Variants in CDK16 observed in about 807,000 individuals in gnomAD.
CDK16 encodes the protein cyclin-dependent kinase 16.
In CDK16, 2 loss-of-function variants were observed where a neutral mutation model predicts 41.6. That is an observed-to-expected ratio of 0.05 (90% CI 0.02 to 0.15). CDK16 has a LOEUF of 0.15. Ranked by LOEUF, CDK16 falls within the 10% of genes least tolerant of loss-of-function variation. The pLI is 1.00. For synonymous variants in CDK16, 169 were observed against 169.7 expected, an observed-to-expected ratio of 1.00 and a Z score of 0.03; for missense variants, 228 against 428.9, an observed-to-expected ratio of 0.53 and a Z score of 4.14.
chrX:47,222,917 G>C, intron 1 of CDK16: 2 of 484,548 alleles, frequency 4.1e-6, no homozygotes, highest in Non-Finnish European at 2.9e-6. Context: ...ATCCCACCCA[G>C]TGGTTGGGTC....
intron 1 of CDK16, chrX:47,223,219 T>A: frequency 8.7e-7 from 1 of 1,156,054 alleles, no homozygotes; most frequent in Non-Finnish European, 1.1e-6. Context: ...CAATGGAGCC[T>A]TCTGCTCCTG....
rs776305718 is a variant in CDK16 at position 47,226,596 on chromosome X, C to T, written c.930C>T (p.Ala310=). The change falls in exon 10 of 16, where the codon GCC becomes GCT. Residue 310 remains alanine (A), a synonymous_variant. Transcript: ENST00000357227. The part of the protein sequence containing the change: ...LKLADFGLAR[A]KSIPTKTYSN... ...TCTGATTTCCAGGCCTGGCCCGAGC[C>T]AAGTCAATCCCAACAAAGACATACT... The T allele has an allele frequency of 1.7e-6, 2 of 1,209,274 alleles. No individual in the cohort carries two copies. The highest frequency in any genetic ancestry group is 3.5e-5 in the African/African-American group (2 of 57,197).
At chrX:47,221,640 T>C (rs1461720275) in intron 1 of CDK16, among the ~76,000 whole-genome samples, 1 of 111,575 alleles carries the variant, frequency 9.0e-6, no homozygotes, top group African/African-American at 3.3e-5. Context: ...ATCTGTGCCA[T>C]ATGGGGACAC....
Position 47,224,796 on chromosome X carries a change from T to C in CDK16, c.463-38T>C, listed in dbSNP as rs910301268. The C allele has an allele frequency of 7.4e-6, 9 of 1,211,074 alleles. No homozygotes were observed. The African/African-American group carries it at 1.0e-4, about 14-fold the overall frequency. On this transcript the variant is annotated intron_variant, in intron 4 of 15. Transcript: ENST00000357227. Reference sequence around the variant, plus strand: ...CTTTTTCTTCTCTCCCAGACCCTTCTCCTGAGCCAGCTTTAACCTGCCTCA... The same window carrying C: ...CTTTTTCTTCTCTCCCAGACCCTTCCCCTGAGCCAGCTTTAACCTGCCTCA...
At chrX:47,219,271 C>T (rs1472447555) in intron 1 of CDK16, among the ~76,000 whole-genome samples, 166 bp downstream of exon 1, 1 of 111,434 alleles carries the variant, frequency 9.0e-6, no homozygotes, top group Non-Finnish European at 1.9e-5. Flanking sequence ...GACCTTGGCC[C>T]CGCCCTGGGC....
At chrX:47,218,478 C>T (rs1436098893), upstream of CDK16, 3 of 645,771 alleles carry the variant, frequency 4.6e-6, no homozygotes, top group Non-Finnish European at 6.7e-6. Context: ...GTGATTGACG[C>T]GCCAGGTTAC....
At chrX:47,227,342 A>G in intron 13 of CDK16, 37 bp from the exon 14 acceptor site, 2 of 1,133,597 alleles carry the variant, frequency 1.8e-6, no homozygotes, top group Non-Finnish European at 2.4e-6. Flanking sequence ...CTTGTTGAAG[A>G]TATCAATACT....
chrX:47,222,893 C>T, intron 1 of CDK16: 1 of 389,373 alleles, frequency 2.6e-6, no homozygotes, highest in Non-Finnish European at 4.0e-6. Context: ...TGAGACCCCC[C>T]CGCCCTCCAC....
At chrX:47,222,678 G>C (rs1341917649) in intron 1 of CDK16, among the ~76,000 whole-genome samples, 4 of 102,795 alleles carry the variant, frequency 3.9e-5, no homozygotes, top group Non-Finnish European at 8.0e-5. Context: ...GGGGGGGGCC[G>C]TGGGCAAGAG....
intron 6 of CDK16, 46 bp downstream of exon 6, chrX:47,225,148 C>T (rs1602687139): frequency 1.2e-6 from 1 of 867,529 alleles, no homozygotes; most frequent in East Asian, 3.4e-5. Context: ...CAACCCACCC[C>T]TGGCGCACAC....
chrX:47,219,135 C>A, intron 1 of CDK16, 30 bp downstream of exon 1: 2 of 798,144 alleles, frequency 2.5e-6, no homozygotes, highest in Non-Finnish European at 1.5e-6. Context: ...GTGGAGGCTG[C>A]CCCTCCTCCT....
Position 47,223,733 on chromosome X carries a change from C to A in CDK16, c.176C>A (p.Ala59Glu). The A allele has an allele frequency of 8.3e-7, 1 of 1,207,867 alleles. No homozygotes were observed. The highest frequency in any genetic ancestry group is 1.1e-6 in the Non-Finnish European group (1 of 893,568). The stretch of plus-strand genomic sequence containing the variant: ...GCTGCTCCTGGGGAACTTCGTTCTG[C>A]ACGGGGCCCACTCAGCTCTGCACCA... ...TRAAPGELRS[A>E]RGPLSSAPEI... Residue 59 changes from alanine (A) to glutamate (E), a missense_variant, in exon 2 of 16, where the codon GCA becomes GAA. Ala to Glu is a moderately radical substitution (Grantham distance 107, BLOSUM62 -1). Around this residue, in one of 3 missense-constraint regions of CDK16, gnomAD observed 71 missense variants for 102.2 expected, o/e 0.69. Coordinates refer to ENST00000357227, the MANE Select transcript of CDK16 (RefSeq NM_006201.5).
At chrX:47,225,151 G>A in intron 6 of CDK16, 49 bp downstream of exon 6, 1 of 855,280 alleles carries the variant, frequency 1.2e-6, no homozygotes. Flanking sequence ...CCCACCCCTG[G>A]CGCACACACT....
At chrX:47,222,894 C>A in intron 1 of CDK16, 1 of 394,494 alleles carries the variant, frequency 2.5e-6, no homozygotes, top group Non-Finnish European at 3.9e-6. Flanking sequence ...GAGACCCCCC[C>A]GCCCTCCACA....
intron 1 of CDK16, chrX:47,222,890 C>A: frequency 2.8e-6 from 1 of 351,945 alleles, no homozygotes; most frequent in Non-Finnish European, 4.5e-6. Flanking sequence ...CACTGAGACC[C>A]CCCCGCCCTC....
At chrX:47,225,621 G>A (rs1937528862) in intron 6 of CDK16, 151 bp from the exon 7 acceptor site, 2 of 436,171 alleles carry the variant, frequency 4.6e-6, no homozygotes, top group South Asian at 7.4e-5. Context: ...GGCATGAGGC[G>A]GGTTAGAGCT....
At chrX:47,224,546 G>T (rs1202752538) in intron 3 of CDK16, 28 bp downstream of exon 3, 1 of 1,204,931 alleles carries the variant, frequency 8.3e-7, no homozygotes, top group Admixed American at 2.2e-5. Context: ...GATGGTGGAG[G>T]AACTGGAAAA....
In CDK16 at chrX:47,228,549, T is replaced by C. The variant is rs1179211530; in HGVS notation, c.1376-18T>C. On this transcript the variant is annotated intron_variant, in intron 14 of 15. Transcript: ENST00000357227. ...CCTCATGGGTCATCCCCCACTTCTA[T>C]GTCTCCCCCATCTGTAGCTACTTCC... 1.7e-6 allele frequency: 2 copies of C among 1,196,316 alleles called. No individual in the cohort carries two copies. Among genetic ancestry groups the C allele is most frequent in the South Asian group, 3.5e-5 (2 of 56,636 alleles).
At chrX:47,222,745 G>A (rs918549017) in intron 1 of CDK16, 15 of 191,727 alleles carry the variant, frequency 7.8e-5, no homozygotes, top group Non-Finnish European at 1.4e-4. Flanking sequence ...GGACTGGGGC[G>A]TGTATTTGGG....
Sources: allele counts gnomAD v4.1 joint callset (sites outside exome capture counted in the v4.1 genomes callset), GRCh38; gene constraint gnomAD v4.1.1; regional missense constraint gnomAD v4.1.1; transcripts MANE v1.5; gene names NCBI Gene and HGNC (gene_info 2026-07-23, HGNC 2026-07-21).